Variants in CELF2 observed in about 807,000 individuals in gnomAD.
CELF2 encodes the protein CUGBP Elav-like family member 2.
CELF2 carries 8 observed loss-of-function variants against 62.6 expected under a neutral mutation model. That is an observed-to-expected ratio of 0.13 (90% CI 0.07 to 0.23). The LOEUF is 0.23. Ranked by LOEUF, CELF2 falls within the 10% of genes least tolerant of loss-of-function variation. CELF2 has a pLI of 1.00. For synonymous variants in CELF2, 258 were observed against 250.0 expected (o/e 1.03, Z -0.30); for missense variants, 333 against 671.0 (o/e 0.50, Z 5.56).
At chr10:11,261,235 G>A (rs1183026349) in intron 5 of CELF2, among the ~76,000 whole-genome samples, 2 of 152,148 alleles carry the variant, frequency 1.3e-5, no homozygotes, top group Admixed American at 1.3e-4. Flanking sequence ...GCTGGCTCCT[G>A]CGGATTTCTA....
At chr10:11,027,844 A>C (rs993312235) in intron 1 of CELF2, among the ~76,000 whole-genome samples, 1 of 152,232 alleles carries the variant, frequency 6.6e-6, no homozygotes, top group Admixed American at 6.5e-5. Context: ...TAAGGACAAT[A>C]AAATACGCTG....
chr10:10,869,695 C>G (rs1054663640), intron 1 of CELF2, among the ~76,000 whole-genome samples: 1 of 152,194 alleles, frequency 6.6e-6, no homozygotes, highest in African/African-American at 2.4e-5. Flanking sequence ...AATAGGCAGC[C>G]TTTGGGATCC....
intron 2 of CELF2, among the ~76,000 whole-genome samples, chr10:10,967,608 C>A (rs2050267577): frequency 6.6e-6 from 1 of 152,170 alleles, no homozygotes; most frequent in Non-Finnish European, 1.5e-5. Context: ...CGCCAGCCTC[C>A]TAGTTTGCCG....
rs551650995 is a variant in CELF2, at chr10:11,098,675, T to A, written c.75-66811T>A. 6.6e-6 allele frequency among the ~76,000 whole-genome samples: 1 copy of A among 152,340 alleles called. No individual in the cohort carries two copies. The highest frequency in any genetic ancestry group is 1.9e-4 in the East Asian group (1 of 5,186). ...TATAAATGTGTCATGAGCACACTGTTTTCTCTGTAGAAATAACAAAGGCCC... is the reference window on the plus strand; with the variant it reads ...TATAAATGTGTCATGAGCACACTGTATTCTCTGTAGAAATAACAAAGGCCC... On this transcript the variant is annotated intron_variant, in intron 1 of 12. Transcript: ENST00000633077. This position sits in a 1 kb window ranked among gnomAD's most constrained non-coding sequence, Gnocchi z 4.0.
intron 1 of CELF2, among the ~76,000 whole-genome samples, chr10:10,908,237 T>TTTTTTTTTTTTAAAA (rs1591776649): frequency 6.9e-6 from 1 of 144,698 alleles, no homozygotes. Context: ...TTTTTTTTTT[T>TTTTTTTTTTTTAAAA]GAAACAGAGT....
At chr10:11,048,348 T>C (rs1019258287) in intron 1 of CELF2, among the ~76,000 whole-genome samples, 7 of 152,216 alleles carry the variant, frequency 4.6e-5, no homozygotes, top group African/African-American at 1.2e-4. Context: ...GAACAGAATA[T>C]GCATTTTTAG....
chr10:11,030,001 G>T (rs916866386), intron 1 of CELF2, among the ~76,000 whole-genome samples: 1 of 152,122 alleles, frequency 6.6e-6, no homozygotes, highest in Non-Finnish European at 1.5e-5. Context: ...TGCTACTTTT[G>T]TTCCAGATTT....
chr10:10,794,960 A>G (rs2054054943), upstream of CELF2: 1 of 152,206 alleles, frequency 6.6e-6, no homozygotes, highest in East Asian at 1.9e-4. Context: ...TTGCCTCTTG[A>G]CTGACACTCC....
At chr10:11,327,507 G>C (rs910080015) in intron 12 of CELF2, among the ~76,000 whole-genome samples, 2 of 152,124 alleles carry the variant, frequency 1.3e-5, no homozygotes, top group African/African-American at 2.4e-5. Flanking sequence ...TGCTTGGTGA[G>C]CCAGCCGCAT....
chr10:10,977,390 T>C (rs966218677), intron 2 of CELF2, among the ~76,000 whole-genome samples: 1 of 152,216 alleles, frequency 6.6e-6, no homozygotes. Context: ...TTGGGGGATA[T>C]TGTACACAGC....
the CELF2 span, among the ~76,000 whole-genome samples, chr10:10,621,436 C>T: frequency 6.6e-6 from 1 of 152,046 alleles, no homozygotes; most frequent in Non-Finnish European, 1.5e-5. Context: ...ACATCCAGAA[C>T]AAAGAAGCGT....
At chr10:11,042,702 T>G (rs552366288) in intron 1 of CELF2, among the ~76,000 whole-genome samples, 1 of 152,138 alleles carries the variant, frequency 6.6e-6, no homozygotes, top group Non-Finnish European at 1.5e-5. Flanking sequence ...CACCCCAATT[T>G]CCCTTAGCCC....
chr10:11,183,446 G>A (rs778666758), intron 2 of CELF2, among the ~76,000 whole-genome samples: 33 of 152,160 alleles, frequency 2.2e-4, no homozygotes, highest in Admixed American at 1.6e-3. Context: ...TGCTTTTGTC[G>A]CTCAGCTAGA....
At chr10:10,521,177 G>A in the CELF2 span, among the ~76,000 whole-genome samples, 1 of 152,184 alleles carries the variant, frequency 6.6e-6, no homozygotes, top group African/African-American at 2.4e-5. Context: ...TAGTAAAGGT[G>A]AATTAAAGAC....
the CELF2 span, among the ~76,000 whole-genome samples, chr10:10,480,085 G>T: frequency 7.0e-4 from 107 of 152,066 alleles, 1 homozygote; most frequent in African/African-American, 2.4e-3. Context: ...GCGGGTCTTC[G>T]GAAATAATTG....
chr10:11,076,682 C>T (rs1285550479), intron 1 of CELF2, among the ~76,000 whole-genome samples: 1 of 152,142 alleles, frequency 6.6e-6, no homozygotes, highest in Non-Finnish European at 1.5e-5. Flanking sequence ...TTGGTGCATA[C>T]TAAAATGATG....
At chr10:10,729,439 T>C in the CELF2 span, among the ~76,000 whole-genome samples, 2 of 152,232 alleles carry the variant, frequency 1.3e-5, no homozygotes, top group African/African-American at 4.8e-5. Flanking sequence ...ATTTGTGTTA[T>C]GTTTCTCAGA....
intron 2 of CELF2, among the ~76,000 whole-genome samples, chr10:11,176,324 C>T (rs1433798228): frequency 2.6e-5 from 4 of 152,186 alleles, no homozygotes; most frequent in East Asian, 3.8e-4. Flanking sequence ...ATTAGCATAA[C>T]GAAGCCATCA....
intron 1 of CELF2, among the ~76,000 whole-genome samples, chr10:10,815,630 T>C (rs1467007817): frequency 1.3e-5 from 2 of 152,344 alleles, no homozygotes; most frequent in East Asian, 3.9e-4. Flanking sequence ...TTAGGCTCTG[T>C]CTGCAATCAA....
Sources: gnomAD v4.1 joint callset for allele counts (sites outside exome capture counted in the v4.1 genomes callset) on GRCh38, gnomAD v4.1.1 for gene constraint, Gnocchi (gnomAD v3.1) non-coding constraint, MANE v1.5 for transcripts, NCBI Gene and HGNC (gene_info 2026-07-23, HGNC 2026-07-21) for gene names.